Variants in NYAP2 observed in about 807,000 individuals in gnomAD.
NYAP2 encodes neuronal tyrosine-phosphorylated phosphoinositide-3-kinase adapter 2.
In NYAP2, 23 loss-of-function variants were observed where a neutral mutation model predicts 50.4. That is an observed-to-expected ratio of 0.46 (90% CI 0.33 to 0.65). The LOEUF (loss-of-function observed/expected upper bound fraction) is 0.65, where lower values mean the gene tolerates loss of function less well. NYAP2 is among the 30% of genes least tolerant of loss of function. The pLI is 0.02. For synonymous variants in NYAP2, 394 were observed against 365.2 expected (o/e 1.08, Z -0.90); for missense variants, 885 against 861.0 (o/e 1.03, Z -0.35).
At chr2:225,615,676 C>T (rs544010397) in intron 5 of NYAP2, among the ~76,000 whole-genome samples, 1 of 152,232 alleles carries the variant, frequency 6.6e-6, no homozygotes, top group South Asian at 2.1e-4. Context: ...TTCCTGGTCA[C>T]CATGACCTGT....
chr2:225,437,126 A>T (rs1425233677), intron 3 of NYAP2, among the ~76,000 whole-genome samples: 3 of 152,140 alleles, frequency 2.0e-5, no homozygotes, highest in Non-Finnish European at 2.9e-5. Context: ...ATAAATTAGA[A>T]TAATCTTGTT....
intron 3 of NYAP2, among the ~76,000 whole-genome samples, chr2:225,457,321 G>T (rs555867778): frequency 1.3e-4 from 20 of 152,188 alleles, no homozygotes; most frequent in Admixed American, 2.6e-4. Flanking sequence ...TTTCTAGAAG[G>T]TATGCTAATA....
intron 4 of NYAP2, among the ~76,000 whole-genome samples, chr2:225,566,137 C>G (rs1691957212): frequency 6.6e-6 from 1 of 152,038 alleles, no homozygotes; most frequent in Admixed American, 6.6e-5. Flanking sequence ...AAATAATCCC[C>G]CCAAAGCGCA....
At chr2:225,659,219 C>T in the NYAP2 span, among the ~76,000 whole-genome samples, 30,071 of 152,074 alleles carry the variant, frequency 0.2, 3,331 homozygotes, top group African/African-American at 0.3. Context: ...CTTCAGCATC[C>T]GAGGTCAGAG....
At chr2:225,627,073 G>A (rs771604016) in exon 6 of NYAP2, 13 of 1,597,152 alleles carry the variant, frequency 8.1e-6, no homozygotes, top group Admixed American at 3.5e-5. Flanking sequence ...GTCACCAGTC[G>A]ACTAGGAAGA....
At position 225,582,307 on chromosome 2, in the gene NYAP2, C is replaced by T; in HGVS notation, c.890C>T (p.Ala297Val). Residue 297 changes from alanine (A) to valine (V), a missense_variant, in exon 5 of 7, where the codon GCT (alanine) becomes GTT (valine). Physicochemically the swap from Ala to Val is moderately conservative, Grantham distance 64. Coordinates refer to ENST00000636099, the Ensembl canonical transcript of NYAP2. This position sits in a 1 kb window ranked among gnomAD's most constrained non-coding sequence, Gnocchi z 7.0. ...CATCACAGCTGTTCTTCGCAGTGTG[C>T]TACTCCCACGGTGCCTGACTTGGAC... 1.9e-6 allele frequency: 3 copies of T among 1,614,040 alleles called. No individual in the cohort carries two copies. Among genetic ancestry groups the T allele is most frequent in the Non-Finnish European group, 2.5e-6 (3 of 1,179,894 alleles).
the NYAP2 span, among the ~76,000 whole-genome samples, chr2:225,689,710 G>A: frequency 6.6e-6 from 1 of 152,054 alleles, no homozygotes; most frequent in Non-Finnish European, 1.5e-5. Flanking sequence ...ATAAATGAGG[G>A]AGAATTATAA....
intron 4 of NYAP2, among the ~76,000 whole-genome samples, chr2:225,538,783 TTTCTTTC>T (rs755909871): frequency 3.4e-3 from 131 of 38,714 alleles, no homozygotes; most frequent in Non-Finnish European, 5.1e-3. Flanking sequence ...TTTTCTTTTC[TTTCTTTC>T]TTTCTTTCTT....
rs138961496 is a variant in NYAP2, at chr2:225,641,530, G to A, written c.1829-9902G>A. 1.6e-3 allele frequency among the ~76,000 whole-genome samples: 244 copies of A among 149,472 alleles called. 4 individuals carry two copies. The highest frequency in any genetic ancestry group is 6.0e-3 in the African/African-American group (240 of 40,298). On this transcript the variant is annotated intron_variant, in intron 6 of 6. Coordinates refer to ENST00000636099, the Ensembl canonical transcript of NYAP2. ...AGTACTTAGTTGAAAATTTGATAAT[G>A]TAGGCCAGGTGCGGTGGCTCACGTC...
At chr2:225,526,811 A>G (rs1403609788) in intron 4 of NYAP2, among the ~76,000 whole-genome samples, 1 of 152,168 alleles carries the variant, frequency 6.6e-6, no homozygotes, top group Non-Finnish European at 1.5e-5. Flanking sequence ...TAGTGTTCTA[A>G]TGTGTATTCT....
chr2:225,464,821 A>T (rs1254384299), intron 3 of NYAP2, among the ~76,000 whole-genome samples: 1 of 152,182 alleles, frequency 6.6e-6, no homozygotes, highest in Non-Finnish European at 1.5e-5. Flanking sequence ...GGAAGAGACG[A>T]TCATTGACTG....
intron 5 of NYAP2, among the ~76,000 whole-genome samples, chr2:225,584,006 C>T (rs1275969451): frequency 2.0e-5 from 3 of 152,130 alleles, no homozygotes; most frequent in African/African-American, 7.2e-5. Flanking sequence ...CATGCCACTG[C>T]TCTCCAGCCT....
chr2:225,689,329 T>A, the NYAP2 span, among the ~76,000 whole-genome samples: 1 of 152,198 alleles, frequency 6.6e-6, no homozygotes, highest in Admixed American at 6.6e-5. Context: ...AACTTTTAAA[T>A]CTTCTTGATG....
chr2:225,456,709 T>A (rs1689744880), intron 3 of NYAP2, among the ~76,000 whole-genome samples: 1 of 152,148 alleles, frequency 6.6e-6, no homozygotes, highest in Admixed American at 6.5e-5. Flanking sequence ...ATAGGCCAAC[T>A]TTTAGTTTGT....
At chr2:225,623,095 C>T (rs1182189030) in intron 5 of NYAP2, among the ~76,000 whole-genome samples, 1 of 152,148 alleles carries the variant, frequency 6.6e-6, no homozygotes, top group Non-Finnish European at 1.5e-5. Context: ...AGTTTATACA[C>T]AGGCCCATTT....
At chr2:225,653,405 C>G (rs1395287005) in exon 7 of NYAP2, 1 of 152,160 alleles carries the variant, frequency 6.6e-6, no homozygotes, top group Non-Finnish European at 1.5e-5. Context: ...CAAGGTATAC[C>G]CTTTGTGCCT....
chr2:225,676,164 C>T, the NYAP2 span, among the ~76,000 whole-genome samples: 1 of 152,030 alleles, frequency 6.6e-6, no homozygotes, highest in Admixed American at 6.6e-5. Context: ...TAACTAGGCC[C>T]CACATCAATT....
intron 3 of NYAP2, among the ~76,000 whole-genome samples, chr2:225,426,322 A>G (rs1695287622): frequency 6.6e-6 from 1 of 152,126 alleles, no homozygotes; most frequent in Admixed American, 6.6e-5. Flanking sequence ...TAATATCAGT[A>G]CCTACAGATT....
intron 4 of NYAP2, among the ~76,000 whole-genome samples, chr2:225,541,407 C>T (rs780469259): frequency 3.3e-5 from 5 of 151,918 alleles, no homozygotes; most frequent in Non-Finnish European, 5.9e-5. Context: ...TTAATTTTAG[C>T]GGTTTCATGA....
Sources: gnomAD v4.1 joint callset for allele counts (sites outside exome capture counted in the v4.1 genomes callset) on GRCh38, gnomAD v4.1.1 for gene constraint, Gnocchi (gnomAD v3.1) non-coding constraint, MANE v1.5 for transcripts, NCBI Gene and HGNC (gene_info 2026-07-23, HGNC 2026-07-21) for gene names.